MTMR7: variants seen among roughly 807,000 people sequenced by gnomAD.
MTMR7 encodes the protein myotubularin related protein 7.
MTMR7 carries 76 observed loss-of-function variants against 81.2 expected under a neutral mutation model. The observed-to-expected ratio is 0.94, with a 90% CI of 0.78 to 1.13. MTMR7 has a LOEUF of 1.13. Among genes scored for constraint, MTMR7 ranks in the 50% most tolerant of loss-of-function variants. The probability of loss-of-function intolerance (pLI) is 0.00; values close to 1 mark genes in which losing one functional copy is unlikely to be tolerated. For synonymous variants in MTMR7, 372 were observed against 289.8 expected (o/e 1.28, Z -2.88); for missense variants, 1,044 against 820.0 (o/e 1.27, Z -3.34).
chr8:17,305,735 C>A lies in MTMR7; in HGVS notation c.1352+22G>T, dbSNP rs764105110. The A allele has an allele frequency of 4.4e-6, 7 of 1,578,448 alleles. No homozygotes were observed. In the Admixed American group the frequency reaches 5.2e-5, roughly 12 times the overall value. On this transcript the variant is annotated intron_variant, in intron 11 of 13. Transcript: ENST00000180173. ...AAAATCTTTAAATAAAAGTTAAACA[C>A]CAAAAACACCAAAACACTTACTTGA...
Position 17,333,370 on chromosome 8 carries a change from C to G in MTMR7, c.733-2088G>C, listed in dbSNP as rs558814046. ...TTCTTCCAAAACTAATAAAATATCA[C>G]TGCTTTGTATAATTATTTTTCAAAG... On this transcript the variant is annotated intron_variant, in intron 6 of 13. Coordinates refer to ENST00000180173, the MANE Select transcript of MTMR7 (RefSeq NM_004686.5). Among the ~76,000 whole-genome samples, 30 of 152,238 alleles carry G rather than the reference C, an allele frequency of 2.0e-4. No homozygotes were observed. In the South Asian group the frequency reaches 5.4e-3, roughly 27 times the overall value.
chr8:17,379,668 G>A (rs1261989743), intron 1 of MTMR7, among the ~76,000 whole-genome samples: 1 of 151,958 alleles, frequency 6.6e-6, no homozygotes, highest in African/African-American at 2.4e-5. Flanking sequence ...TTAAAGATTT[G>A]GAAATATAAC....
At position 17,408,395 on chromosome 8, in the gene MTMR7, C is replaced by CAAA. The variant is rs530240881; in HGVS notation, c.24+4871_24+4873dup. ...TGGGCGACAGAGCGAGACTCCGTCTCAAAAAAAAAAAAAAAAAAAAAAAGA... is the reference window on the plus strand; with the variant it reads ...TGGGCGACAGAGCGAGACTCCGTCTCAAAAAAAAAAAAAAAAAAAAAAAAAAGA... On this transcript the variant is annotated intron_variant, in intron 1 of 13. Coordinates refer to ENST00000180173, the MANE Select transcript of MTMR7 (RefSeq NM_004686.5). 3.0e-3 allele frequency among the ~76,000 whole-genome samples: 70 copies of CAAA among 23,462 alleles called. 4 individuals are homozygous for CAAA. The highest frequency in any genetic ancestry group is 4.9e-3 in the African/African-American group (52 of 10,642). The allele number at this position is 23,462 out of a possible 152,430, so 15.4% of individuals were successfully genotyped here. A position where few individuals can be genotyped will look rare whatever the true frequency, so the allele number is the denominator to read the frequency against.
chr8:17,387,980 G>A (rs1393850800), intron 1 of MTMR7, among the ~76,000 whole-genome samples: 1 of 152,124 alleles, frequency 6.6e-6, no homozygotes, highest in African/African-American at 2.4e-5. Context: ...TCTCCTAAGG[G>A]AATATACAAG....
chr8:17,387,010 G>T (rs1820966596), intron 1 of MTMR7, among the ~76,000 whole-genome samples: 1 of 152,144 alleles, frequency 6.6e-6, no homozygotes. Flanking sequence ...TCTGTTCAGA[G>T]CTACAGTATC....
At chr8:17,344,912 T>C (rs1285744597) in intron 5 of MTMR7, among the ~76,000 whole-genome samples, 2 of 152,028 alleles carry the variant, frequency 1.3e-5, no homozygotes, top group Non-Finnish European at 2.9e-5. Context: ...TTCCTCGAAA[T>C]GTGTACTGTA....
chr8:17,372,957 G>A (rs1184499311), intron 2 of MTMR7, 161 bp downstream of exon 2: 4 of 740,532 alleles, frequency 5.4e-6, no homozygotes, highest in African/African-American at 3.6e-5. Context: ...AAGTAGATAC[G>A]ACTGCACAGA....
intron 6 of MTMR7, among the ~76,000 whole-genome samples, chr8:17,339,742 A>T (rs1295509354): frequency 6.6e-6 from 1 of 152,206 alleles, no homozygotes; most frequent in African/African-American, 2.4e-5. Context: ...ATAAGTTTTC[A>T]TTTCTCTTGG....
intron 7 of MTMR7, among the ~76,000 whole-genome samples, chr8:17,325,339 G>T (rs541473933): frequency 1.3e-5 from 2 of 152,096 alleles, no homozygotes; most frequent in East Asian, 1.9e-4. Context: ...TTTCCACACC[G>T]AATGAAGATT....
intron 1 of MTMR7, among the ~76,000 whole-genome samples, chr8:17,383,984 T>G (rs1225459083): frequency 6.6e-6 from 1 of 152,180 alleles, no homozygotes; most frequent in Non-Finnish European, 1.5e-5. Flanking sequence ...CAGGTGTCAC[T>G]GTCTGTATAA....
intron 1 of MTMR7, among the ~76,000 whole-genome samples, chr8:17,410,814 T>C (rs1351839581): frequency 1.3e-5 from 2 of 152,172 alleles, no homozygotes; most frequent in Admixed American, 6.5e-5. Context: ...ATGACTTCCA[T>C]TGTAACAGAA....
At chr8:17,380,079 C>T (rs1358941635) in intron 1 of MTMR7, among the ~76,000 whole-genome samples, 1 of 152,094 alleles carries the variant, frequency 6.6e-6, no homozygotes, top group Non-Finnish European at 1.5e-5. Context: ...ACTAATTCAG[C>T]AGCAAATGAT....
chr8:17,370,609 GA>G (rs897362552), intron 3 of MTMR7, among the ~76,000 whole-genome samples: 15 of 145,306 alleles, frequency 1.0e-4, no homozygotes, highest in Admixed American at 7.5e-4. Context: ...AAAAGCAATG[GA>G]GACCAAACCT....
At chr8:17,363,284 G>C (rs577854345) in intron 3 of MTMR7, among the ~76,000 whole-genome samples, 1 of 152,320 alleles carries the variant, frequency 6.6e-6, no homozygotes, top group Non-Finnish European at 1.5e-5. Flanking sequence ...ACAAATGCAA[G>C]TTGTTTAGGA....
intron 1 of MTMR7, among the ~76,000 whole-genome samples, chr8:17,401,325 GA>G (rs151201942): frequency 3.3e-5 from 5 of 152,234 alleles, no homozygotes; most frequent in Non-Finnish European, 7.4e-5. Context: ...CCAGGCACAG[GA>G]AACATCTCGT....
At position 17,383,525 on chromosome 8, in the gene MTMR7, C is replaced by A. The variant is rs529785105; in HGVS notation, c.25-10285G>T. Among the ~76,000 whole-genome samples, 119 of 152,322 alleles carry A rather than the reference C, an allele frequency of 7.8e-4. 1 individual carries two copies. The highest frequency in any genetic ancestry group is 2.7e-3 in the African/African-American group (113 of 41,586). On this transcript the variant is annotated intron_variant, in intron 1 of 13. Transcript: ENST00000180173. ...CCAGATTTCAAACCAGAAGTGTCCA[C>A]TTCCCTGGATCTCTCCCATACCTGA...
In MTMR7 at chr8:17,298,232, C is replaced by T. The variant is rs1210924641; in HGVS notation, c.*1630G>A. On this transcript the variant is annotated 3_prime_UTR_variant, in exon 14 of 14. Transcript: ENST00000180173. The stretch of plus-strand genomic sequence containing the variant: ...CTAAGTTTTATTTTAGCAAGGTATT[C>T]CCTATTACATATAGTATATTGCAGA... 2 of 151,948 alleles carry T rather than the reference C, an allele frequency of 1.3e-5. No homozygotes were observed. Among genetic ancestry groups the T allele is most frequent in the Non-Finnish European group, 2.9e-5 (2 of 67,914 alleles). The allele number at this position is 151,948 out of a possible 1,614,324, so 9.4% of individuals were successfully genotyped here.
At chr8:17,342,786 C>T (rs1202232174) in intron 5 of MTMR7, among the ~76,000 whole-genome samples, 2 of 151,994 alleles carry the variant, frequency 1.3e-5, no homozygotes, top group Non-Finnish European at 2.9e-5. Flanking sequence ...AAGGTGTGGG[C>T]GTGGGAAGCA....
chr8:17,328,445 C>A (rs570302432), intron 7 of MTMR7, among the ~76,000 whole-genome samples: 1 of 152,246 alleles, frequency 6.6e-6, no homozygotes, highest in Non-Finnish European at 1.5e-5. Flanking sequence ...AAGCCATTAT[C>A]CTCAGTAAAC....
Sources: allele counts gnomAD v4.1 joint callset (sites outside exome capture counted in the v4.1 genomes callset), GRCh38; gene constraint gnomAD v4.1.1; transcripts MANE v1.5; gene names NCBI Gene and HGNC (gene_info 2026-07-23, HGNC 2026-07-21).